The following CNTLN variants were observed in gnomAD, a reference collection of about 807,000 sequenced individuals.
The protein encoded by CNTLN is centlein, also known as centlein, centrosomal protein.
CNTLN carries 212 observed loss-of-function variants against 180.0 expected under a neutral mutation model. The observed-to-expected ratio is 1.18, with a 90% CI of 1.05 to 1.32. The LOEUF (loss-of-function observed/expected upper bound fraction) is 1.32, where lower values mean the gene tolerates loss of function less well. CNTLN is among the 40% of genes most tolerant of loss of function. CNTLN has a pLI of 0.00. For synonymous variants in CNTLN, 722 were observed against 563.1 expected (o/e 1.28, Z -3.99); for missense variants, 2,095 against 1,610.9 (o/e 1.30, Z -5.14).
chr9:17,458,705 A>T (rs117739076), intron 19 of CNTLN, among the ~76,000 whole-genome samples: 1,662 of 152,016 alleles, frequency 0.011, 13 homozygotes, highest in Middle Eastern at 0.017. Context: ...CTTGAAAATA[A>T]TTTGCTTTAT....
chr9:17,154,203 G>A (rs918358070), intron 2 of CNTLN, among the ~76,000 whole-genome samples: 2 of 152,164 alleles, frequency 1.3e-5, no homozygotes, highest in African/African-American at 4.8e-5. Flanking sequence ...CCTTGCTGGC[G>A]AGGAGTTGTC....
chr9:17,178,131 T>G (rs1382356402), intron 2 of CNTLN, among the ~76,000 whole-genome samples: 2 of 147,130 alleles, frequency 1.4e-5, no homozygotes, highest in Admixed American at 1.3e-4. Context: ...TACAATATCT[T>G]AGCTAGACAT....
intron 2 of CNTLN, among the ~76,000 whole-genome samples, chr9:17,175,641 A>G (rs1187538456): frequency 1.3e-5 from 2 of 152,038 alleles, no homozygotes; most frequent in African/African-American, 2.4e-5. Context: ...GTGCTTTTCC[A>G]TGAAGTTTAG....
intron 18 of CNTLN, among the ~76,000 whole-genome samples, chr9:17,437,142 C>T (rs1463437332): frequency 6.6e-6 from 1 of 152,158 alleles, no homozygotes; most frequent in Non-Finnish European, 1.5e-5. Flanking sequence ...GTGCAAAACC[C>T]AGGATCAGAG....
At chr9:17,284,349 G>C (rs1828847309) in intron 6 of CNTLN, among the ~76,000 whole-genome samples, 1 of 152,098 alleles carries the variant, frequency 6.6e-6, no homozygotes, top group African/African-American at 2.4e-5. Context: ...ACTAGCTCCT[G>C]TTTGCACCTC....
At chr9:17,395,113 A>C in intron 15 of CNTLN, 44 bp downstream of exon 15, 1 of 1,534,580 alleles carries the variant, frequency 6.5e-7, no homozygotes, top group Non-Finnish European at 8.8e-7. Context: ...GACACTGCGC[A>C]TATGTAAAGC....
At chr9:17,463,359 C>T (rs1831561462) in intron 20 of CNTLN, among the ~76,000 whole-genome samples, 1 of 151,454 alleles carries the variant, frequency 6.6e-6, no homozygotes, top group East Asian at 1.9e-4. Flanking sequence ...GATTTAATGC[C>T]TAAGCTTATA....
chr9:17,243,489 C>A (rs1825617859), intron 5 of CNTLN, among the ~76,000 whole-genome samples: 2 of 152,046 alleles, frequency 1.3e-5, no homozygotes, highest in South Asian at 4.1e-4. Context: ...CACTGTAGCC[C>A]ATAGATTTTG....
At chr9:17,151,553 T>A (rs1445989029) in intron 2 of CNTLN, among the ~76,000 whole-genome samples, 2 of 152,198 alleles carry the variant, frequency 1.3e-5, no homozygotes, top group Admixed American at 6.5e-5. Context: ...GCTGCTGGAT[T>A]TGGTTTGCCA....
intron 2 of CNTLN, among the ~76,000 whole-genome samples, chr9:17,215,820 C>T (rs967684801): frequency 4.6e-5 from 7 of 152,242 alleles, no homozygotes; most frequent in South Asian, 2.1e-4. Context: ...TAGCAATGAG[C>T]GAGGCTCCGT....
chr9:17,191,451 C>T (rs1405604056), intron 2 of CNTLN, among the ~76,000 whole-genome samples: 4 of 152,166 alleles, frequency 2.6e-5, no homozygotes, highest in Non-Finnish European at 5.9e-5. Flanking sequence ...GCTACAGCAC[C>T]CCTGGGAAAC....
intron 23 of CNTLN, among the ~76,000 whole-genome samples, chr9:17,471,098 C>T (rs1832023533): frequency 6.6e-6 from 1 of 151,968 alleles, no homozygotes; most frequent in African/African-American, 2.4e-5. Flanking sequence ...AAATACATTT[C>T]CTTATTTGGA....
intron 20 of CNTLN, 39 bp from the exon 21 acceptor site, chr9:17,464,458 T>C: frequency 6.6e-7 from 1 of 1,517,350 alleles, no homozygotes; most frequent in African/African-American, 1.5e-5. Context: ...TGTTAAGGTA[T>C]TTTCTGTCAC....
chr9:17,393,095 C>T (rs1312212778), intron 14 of CNTLN, among the ~76,000 whole-genome samples: 1 of 152,104 alleles, frequency 6.6e-6, no homozygotes, highest in African/African-American at 2.4e-5. Context: ...CTTGTGAGGA[C>T]TCTCTTTCTG....
rs765194602 is a variant in CNTLN at position 17,332,749 on chromosome 9, C to G, written c.1644+19C>G. On this transcript the variant is annotated intron_variant, in intron 10 of 25. Transcript: ENST00000380647. ...ACTAAAGGTGAACATTAAATCATTT[C>G]TTTAGTAGTAACCTTGCAAAGATAA... The G allele has an allele frequency of 1.9e-5, 30 of 1,563,772 alleles. No individual in the cohort carries two copies. Among genetic ancestry groups the G allele is most frequent in the Non-Finnish European group, 2.6e-5 (30 of 1,158,046 alleles).
chr9:17,346,977 T>A (rs1252675080), intron 12 of CNTLN, among the ~76,000 whole-genome samples: 1 of 152,192 alleles, frequency 6.6e-6, no homozygotes, highest in Non-Finnish European at 1.5e-5. Flanking sequence ...GTCTTCAAGT[T>A]TACTGATTGT....
intron 15 of CNTLN, among the ~76,000 whole-genome samples, chr9:17,407,159 C>A (rs1280225714): frequency 2.0e-5 from 3 of 152,004 alleles, no homozygotes; most frequent in Non-Finnish European, 4.4e-5. Flanking sequence ...TGAAGGAGAA[C>A]CCAAATGATA....
chr9:17,456,489 A>G (rs1831122695), intron 18 of CNTLN, among the ~76,000 whole-genome samples: 1 of 152,166 alleles, frequency 6.6e-6, no homozygotes, highest in Admixed American at 6.5e-5. Flanking sequence ...ATGCACTTAC[A>G]TATACAAATA....
intron 10 of CNTLN, among the ~76,000 whole-genome samples, chr9:17,340,330 G>A (rs1821376476): frequency 6.6e-6 from 1 of 152,022 alleles, no homozygotes; most frequent in South Asian, 2.1e-4. Context: ...TTCTAACATA[G>A]GGTCCAATCT....
Sources: gnomAD v4.1 joint callset for allele counts (sites outside exome capture counted in the v4.1 genomes callset) on GRCh38, gnomAD v4.1.1 for gene constraint, MANE v1.5 for transcripts, NCBI Gene and HGNC (gene_info 2026-07-23, HGNC 2026-07-21) for gene names.